SIK3: variants seen among roughly 807,000 people sequenced by gnomAD.
SIK3 encodes the protein SIK family kinase 3.
Under a neutral mutation model 144.2 loss-of-function variants are expected in SIK3, and 28 were observed. The observed-to-expected ratio is 0.19, with a 90% CI of 0.14 to 0.27. The LOEUF is 0.27. Among genes scored for constraint, SIK3 ranks in the 10% least tolerant of loss-of-function variants. The pLI, the probability that SIK3 is intolerant of heterozygous loss-of-function variation, is 1.00. For missense variants in SIK3, 1,319 were observed against 1,776.0 expected, an observed-to-expected ratio of 0.74 and a Z score of 4.62; for synonymous variants, 686 against 676.3, an observed-to-expected ratio of 1.01 and a Z score of -0.22.
At chr11:116,916,672 G>A (rs1478602803) in intron 4 of SIK3, among the ~76,000 whole-genome samples, 8 of 151,630 alleles carry the variant, frequency 5.3e-5, no homozygotes, top group East Asian at 1.9e-4. Flanking sequence ...CACCACGCCC[G>A]GCTAATTTTT....
chr11:116,890,054 A>G lies in SIK3; in HGVS notation c.865+6199T>C, dbSNP rs190405076. ...AACAACCCTATGCATTAATTCATTC[A>G]ACAAATATTTACTGAGTGCCTACTA... On this transcript the variant is annotated intron_variant, in intron 6 of 24. Transcript: ENST00000445177. Among the ~76,000 whole-genome samples the G allele has an allele frequency of 9.3e-4, 142 of 152,338 alleles. 1 individual carries two copies. The highest frequency in any genetic ancestry group is 3.2e-3 in the Admixed American group (49 of 15,310).
intron 13 of SIK3, among the ~76,000 whole-genome samples, chr11:116,871,654 A>G (rs1284081076): frequency 6.6e-6 from 1 of 152,252 alleles, no homozygotes; most frequent in Non-Finnish European, 1.5e-5. Flanking sequence ...TCATCTACAC[A>G]ATGGATGACA....
At chr11:116,898,299 T>C (rs1945536483) in intron 4 of SIK3, among the ~76,000 whole-genome samples, 1 of 152,214 alleles carries the variant, frequency 6.6e-6, no homozygotes, top group African/African-American at 2.4e-5. Context: ...ACAAAGGACA[T>C]GAACTCATCA....
chr11:116,933,497 C>CTT (rs1299415753), intron 3 of SIK3, among the ~76,000 whole-genome samples: 2 of 152,198 alleles, frequency 1.3e-5, no homozygotes, highest in Non-Finnish European at 2.9e-5. Context: ...CAAGAGTTTC[C>CTT]TTATCCATTC....
intron 1 of SIK3, among the ~76,000 whole-genome samples, chr11:116,961,695 G>T (rs1949353711): frequency 6.6e-6 from 1 of 152,048 alleles, no homozygotes; most frequent in South Asian, 2.1e-4. Flanking sequence ...TCCTAAGTTT[G>T]CCTGTTCTAC....
chr11:116,899,171 G>T (rs1041650962), intron 4 of SIK3, among the ~76,000 whole-genome samples: 6 of 152,130 alleles, frequency 3.9e-5, no homozygotes, highest in African/African-American at 1.4e-4. Flanking sequence ...AAGGGATCCA[G>T]TTTCAGCTTT....
intron 1 of SIK3, among the ~76,000 whole-genome samples, chr11:117,021,124 A>G (rs1205670132): frequency 6.6e-6 from 1 of 152,250 alleles, no homozygotes; most frequent in Non-Finnish European, 1.5e-5. Flanking sequence ...ACACTCCCAC[A>G]CATTTGGTCA....
In SIK3 at chr11:116,861,830, A is replaced by G. The variant is rs1272172340; in HGVS notation, c.2315+11T>C. 5.0e-6 allele frequency: 8 copies of G among 1,594,554 alleles called. No homozygotes were observed. The highest frequency in any genetic ancestry group is 6.9e-6 in the Non-Finnish European group (8 of 1,164,210). ...GACAATGGCTTAGGCACAACACAAAATGACTCATACCTCTGGAGCTGATGG... is the reference window on the plus strand; with the variant it reads ...GACAATGGCTTAGGCACAACACAAAGTGACTCATACCTCTGGAGCTGATGG... On this transcript the variant is annotated intron_variant, in intron 18 of 24. Transcript: ENST00000445177.
chr11:117,047,130 T>G (rs368592860), intron 1 of SIK3, among the ~76,000 whole-genome samples: 2 of 152,260 alleles, frequency 1.3e-5, no homozygotes, highest in Admixed American at 6.5e-5. Flanking sequence ...TTATTTATGT[T>G]GGATTGTGGT....
intron 21 of SIK3, among the ~76,000 whole-genome samples, chr11:116,853,968 T>C (rs143219218): frequency 6.6e-6 from 1 of 152,348 alleles, no homozygotes; most frequent in East Asian, 1.9e-4. Context: ...TGCTTAGTGC[T>C]CTCACAGTGC....
chr11:116,862,265 G>C lies in SIK3; in HGVS notation c.2166C>G (p.Thr722=). The stretch of plus-strand genomic sequence containing the variant: ...GCTGGTATAACATATGCTGCTGCTG[G>C]GTCTTCTCCAGGGTTCTTTCATCAA... The part of the protein sequence containing the change: ...GQIDERTLEK[T]QQQHMLYQQE... Residue 722 remains threonine, a synonymous_variant, in exon 17 of 25, where the codon ACC becomes ACG. Coordinates refer to ENST00000445177, the MANE Select transcript of SIK3 (RefSeq NM_001366686.3). 1 of 1,614,140 alleles carries C rather than the reference G, an allele frequency of 6.2e-7. No homozygotes were observed. The highest frequency in any genetic ancestry group is 1.7e-5 in the Admixed American group (1 of 60,022).
intron 1 of SIK3, among the ~76,000 whole-genome samples, chr11:117,032,360 T>C (rs1236234757): frequency 1.3e-5 from 2 of 152,260 alleles, no homozygotes; most frequent in African/African-American, 4.8e-5. Flanking sequence ...GTTTTCAGTA[T>C]ACAAGTAAGT....
chr11:117,098,085 C>T, intron 1 of SIK3, 58 bp downstream of exon 1: 1 of 1,307,350 alleles, frequency 7.6e-7, no homozygotes. Context: ...GGCTGGGGGG[C>T]GCGGACCTCT....
At chr11:116,856,052 C>T (rs1328124667) in intron 21 of SIK3, among the ~76,000 whole-genome samples, 4 of 152,000 alleles carry the variant, frequency 2.6e-5, no homozygotes, top group East Asian at 1.9e-4. Flanking sequence ...AAAAAATTAG[C>T]CGGGCGTGGT....
chr11:116,953,055 T>C (rs897601990), intron 3 of SIK3, among the ~76,000 whole-genome samples: 4 of 152,030 alleles, frequency 2.6e-5, no homozygotes, highest in Non-Finnish European at 4.4e-5. Context: ...TAAAGATACT[T>C]TGACACACAA....
chr11:117,023,619 A>ATATATATATATATATATAT (rs374740569), intron 1 of SIK3, among the ~76,000 whole-genome samples: 9 of 99,798 alleles, frequency 9.0e-5, no homozygotes, highest in African/African-American at 4.5e-4. Context: ...CAAAAAAAAA[A>ATATATATATATATATATAT]AAATATATAT....
intron 1 of SIK3, among the ~76,000 whole-genome samples, chr11:117,097,617 C>G (rs1401820458): frequency 6.6e-6 from 1 of 152,100 alleles, no homozygotes; most frequent in Non-Finnish European, 1.5e-5. Flanking sequence ...CTTAAGGCAC[C>G]AGGATCCTGG....
At chr11:116,895,432 C>T (rs987891859) in intron 6 of SIK3, among the ~76,000 whole-genome samples, 5 of 152,196 alleles carry the variant, frequency 3.3e-5, no homozygotes, top group Non-Finnish European at 5.9e-5. Flanking sequence ...TACACTATGA[C>T]GTTATCAGTT....
At chr11:116,863,990 C>T (rs2134445822) in intron 15 of SIK3, 172 bp from the exon 16 acceptor site, 1 of 586,966 alleles carries the variant, frequency 1.7e-6, no homozygotes, top group East Asian at 3.3e-5. Context: ...AGCCTGCTTC[C>T]CTTTAGAGGG....
Sources: gnomAD v4.1 joint callset for allele counts (sites outside exome capture counted in the v4.1 genomes callset) on GRCh38, gnomAD v4.1.1 for gene constraint, MANE v1.5 for transcripts, NCBI Gene and HGNC (gene_info 2026-07-23, HGNC 2026-07-21) for gene names.